Variants in ENOX1 observed in about 807,000 individuals in gnomAD.
ENOX1 encodes the protein candidate growth-related and time keeping constitutive hydroquinone (NADH) oxidase.
ENOX1 carries 42 observed loss-of-function variants against 82.5 expected under a neutral mutation model. That is an observed-to-expected ratio of 0.51 (90% CI 0.40 to 0.66). ENOX1 has a LOEUF of 0.66. Ranked by LOEUF, ENOX1 falls within the 30% of genes least tolerant of loss-of-function variation. ENOX1 has a pLI of 0.00. For synonymous variants in ENOX1, 271 were observed against 282.2 expected, an observed-to-expected ratio of 0.96 and a Z score of 0.40; for missense variants, 608 against 811.6, an observed-to-expected ratio of 0.75 and a Z score of 3.05.
chr13:43,331,008 C>T (rs1036990068), intron 9 of ENOX1, among the ~76,000 whole-genome samples: 1 of 152,190 alleles, frequency 6.6e-6, no homozygotes, highest in African/African-American at 2.4e-5. Flanking sequence ...TACAGACTAT[C>T]ATGAGAAGCG....
chr13:43,414,220 T>A (rs1020564002), intron 3 of ENOX1, among the ~76,000 whole-genome samples: 1 of 152,126 alleles, frequency 6.6e-6, no homozygotes, highest in Non-Finnish European at 1.5e-5. Flanking sequence ...GGTTCAATTC[T>A]CAACAACAGG....
At chr13:43,771,636 CA>C (rs1951607817) in intron 1 of ENOX1, among the ~76,000 whole-genome samples, 1 of 152,086 alleles carries the variant, frequency 6.6e-6, no homozygotes, top group African/African-American at 2.4e-5. Flanking sequence ...AAATATCTAC[CA>C]AAGGCAAACA....
chr13:43,416,307 C>A (rs1364180368), intron 3 of ENOX1, among the ~76,000 whole-genome samples: 6 of 147,374 alleles, frequency 4.1e-5, no homozygotes, highest in Non-Finnish European at 9.1e-5. Context: ...TCCCCACTTC[C>A]CAGACGGGGC....
chr13:43,439,095 T>C (rs567153890), intron 3 of ENOX1, among the ~76,000 whole-genome samples: 1 of 149,196 alleles, frequency 6.7e-6, no homozygotes, highest in East Asian at 2.0e-4. Flanking sequence ...CAAGCTGGAG[T>C]GCAGTGGTGC....
chr13:43,362,445 C>T (rs1054689965), intron 5 of ENOX1, among the ~76,000 whole-genome samples: 3 of 152,046 alleles, frequency 2.0e-5, no homozygotes, highest in African/African-American at 7.2e-5. Context: ...GATCATGGTG[C>T]CCTCCTCTAC....
At chr13:43,371,177 T>C (rs1215742721) in intron 5 of ENOX1, among the ~76,000 whole-genome samples, 1 of 152,218 alleles carries the variant, frequency 6.6e-6, no homozygotes, top group African/African-American at 2.4e-5. Context: ...CTCTTGGTGT[T>C]CTCTGCTTTG....
chr13:43,343,717 A>G (rs1020987298), intron 9 of ENOX1, among the ~76,000 whole-genome samples: 9 of 152,182 alleles, frequency 5.9e-5, no homozygotes, highest in African/African-American at 1.7e-4. Context: ...TCACTACCAC[A>G]TAGGGCCCTG....
At chr13:43,439,575 T>C (rs563158847) in intron 3 of ENOX1, among the ~76,000 whole-genome samples, 55 of 152,346 alleles carry the variant, frequency 3.6e-4, no homozygotes, top group African/African-American at 1.3e-3. Context: ...GACAGAACAC[T>C]GGCTGAGAGA....
At chr13:43,267,528 T>A (rs1347300193) in intron 13 of ENOX1, among the ~76,000 whole-genome samples, 2 of 152,212 alleles carry the variant, frequency 1.3e-5, no homozygotes, top group East Asian at 1.9e-4. Context: ...GCAGGGTGTA[T>A]CTTTCCCTGC....
intron 3 of ENOX1, among the ~76,000 whole-genome samples, chr13:43,467,404 A>G (rs1186131427): frequency 6.6e-6 from 1 of 152,194 alleles, no homozygotes; most frequent in Non-Finnish European, 1.5e-5. Flanking sequence ...ATGAAGTGGT[A>G]CCACGTTGTG....
At chr13:43,572,970 T>G (rs968631724) in intron 2 of ENOX1, among the ~76,000 whole-genome samples, 1 of 152,238 alleles carries the variant, frequency 6.6e-6, no homozygotes, top group African/African-American at 2.4e-5. Context: ...CTGGGACATA[T>G]ATAAATTATG....
At chr13:43,396,755 A>G (rs1301020958) in intron 5 of ENOX1, among the ~76,000 whole-genome samples, 1 of 152,146 alleles carries the variant, frequency 6.6e-6, no homozygotes, top group Non-Finnish European at 1.5e-5. Context: ...TATTCCTTCC[A>G]GATATTAACC....
At chr13:43,377,865 C>A (rs1393647099) in intron 5 of ENOX1, among the ~76,000 whole-genome samples, 2 of 152,096 alleles carry the variant, frequency 1.3e-5, no homozygotes, top group African/African-American at 4.8e-5. Flanking sequence ...TAGGGTCTGG[C>A]CAGAACACAG....
chr13:43,678,090 G>C (rs759483707), intron 1 of ENOX1, among the ~76,000 whole-genome samples: 2 of 152,074 alleles, frequency 1.3e-5, no homozygotes, highest in Non-Finnish European at 2.9e-5. Flanking sequence ...AATATATCCA[G>C]GAGGCTGAAT....
chr13:43,246,186 C>G (rs1395419734), intron 14 of ENOX1, among the ~76,000 whole-genome samples: 1 of 152,224 alleles, frequency 6.6e-6, no homozygotes, highest in African/African-American at 2.4e-5. Flanking sequence ...CAGGCTATTA[C>G]ATTCTTAATT....
intron 9 of ENOX1, among the ~76,000 whole-genome samples, chr13:43,328,947 A>G (rs2048271719): frequency 6.6e-6 from 1 of 152,246 alleles, no homozygotes; most frequent in Admixed American, 6.5e-5. Context: ...GAAGAGAAAG[A>G]AAGACAAGCA....
At chr13:43,481,127 C>T (rs1040487308) in intron 3 of ENOX1, among the ~76,000 whole-genome samples, 1 of 152,016 alleles carries the variant, frequency 6.6e-6, no homozygotes, top group African/African-American at 2.4e-5. Flanking sequence ...CAAATACTAG[C>T]AAACCAAATT....
At chr13:43,486,228 C>A (rs1291512461) in intron 2 of ENOX1, among the ~76,000 whole-genome samples, 2 of 152,090 alleles carry the variant, frequency 1.3e-5, no homozygotes, top group East Asian at 3.9e-4. Context: ...AAACAAAAAA[C>A]AAAAATTAGC....
At chr13:43,463,803 C>T (rs1471751740) in intron 3 of ENOX1, among the ~76,000 whole-genome samples, 5 of 152,136 alleles carry the variant, frequency 3.3e-5, no homozygotes, top group African/African-American at 1.2e-4. Context: ...TTTGTATTTT[C>T]ATGACAACTA....
Sources: allele counts gnomAD v4.1 joint callset (sites outside exome capture counted in the v4.1 genomes callset), GRCh38; gene constraint gnomAD v4.1.1; transcripts MANE v1.5; gene names NCBI Gene and HGNC (gene_info 2026-07-23, HGNC 2026-07-21).